Variants in NOS2 observed in about 807,000 individuals in gnomAD.
NOS2 encodes nitric oxide synthase 2.
NOS2 carries 96 observed loss-of-function variants against 136.0 expected under a neutral mutation model. The ratio of observed to expected loss-of-function variants is 0.71; its 90% CI spans 0.60 to 0.84. NOS2 has a LOEUF of 0.84. Among genes scored for constraint, NOS2 ranks in the 40% least tolerant of loss-of-function variants. The pLI is 0.00. For missense variants in NOS2, 1,237 were observed against 1,496.9 expected (o/e 0.83, Z 2.87); for synonymous variants, 539 against 587.5 (o/e 0.92, Z 1.20).
At chr17:27,790,039 C>T (rs996235090) in intron 2 of NOS2, among the ~76,000 whole-genome samples, 1 of 152,222 alleles carries the variant, frequency 6.6e-6, no homozygotes, top group Admixed American at 6.5e-5. Flanking sequence ...ACAACTCTGC[C>T]TCCCAGACTA....
intron 2 of NOS2, among the ~76,000 whole-genome samples, chr17:27,794,335 T>C (rs1477345831): frequency 1.3e-5 from 2 of 152,206 alleles, no homozygotes; most frequent in Admixed American, 6.5e-5. Context: ...GTAGGAATAT[T>C]GCAGGAGGGA....
intron 7 of NOS2, 35 bp downstream of exon 7, chr17:27,781,980 A>G (rs1431329202): frequency 6.3e-7 from 1 of 1,586,414 alleles, no homozygotes; most frequent in South Asian, 1.1e-5. Flanking sequence ...CAGGCAAGGC[A>G]AGCCCCTCTG....
In NOS2 at chr17:27,772,448, C is replaced by G. The variant is rs765525922; in HGVS notation, c.1564G>C (p.Val522Leu). The change falls in exon 14 of 27, where the codon GTG becomes CTG. Residue 522 changes from valine to leucine, a missense_variant. Physicochemically the swap from Val to Leu is conservative, Grantham distance 32. This residue lies in a region of NOS2 where 782 missense variants were observed against 909.9 expected (regional missense o/e 0.86). Coordinates refer to ENST00000313735, the MANE Select transcript of NOS2 (RefSeq NM_000625.4). ...EIPLKVLVKA[V>L]LFACMLMRKT... ...CGCATCAGCATACAGGCAAAGAGCA[C>G]AGCTCTGTGGGGACAGACAGACAGG... 1 of 1,613,962 alleles carries G rather than the reference C, an allele frequency of 6.2e-7. No homozygotes were observed. The highest frequency in any genetic ancestry group is 1.3e-5 in the African/African-American group (1 of 75,044).
chr17:27,765,483 T>C, intron 20 of NOS2, 52 bp downstream of exon 20: 10 of 1,493,504 alleles, frequency 6.7e-6, no homozygotes, highest in South Asian at 1.3e-5. Flanking sequence ...CTCAGCCAGG[T>C]GGGGCGGCCA....
At chr17:27,773,058 C>T (rs1908547182) in intron 13 of NOS2, 103 bp downstream of exon 13, 1 of 927,156 alleles carries the variant, frequency 1.1e-6, no homozygotes, top group Non-Finnish European at 1.8e-6. Context: ...AAAAGCATAA[C>T]CATTCCTTGT....
intron 5 of NOS2, among the ~76,000 whole-genome samples, chr17:27,784,165 C>T (rs867453091): frequency 0.015 from 2,218 of 144,866 alleles, 60 homozygotes; most frequent in African/African-American, 0.051. Context: ...CACACACTAC[C>T]ACCACCACCA....
At chr17:27,768,760 CCA>C (rs949058737) in intron 17 of NOS2, among the ~76,000 whole-genome samples, 11 of 152,316 alleles carry the variant, frequency 7.2e-5, no homozygotes, top group African/African-American at 2.6e-4. Context: ...ACCTTCTCCC[CCA>C]GAGTTGTGTG....
Position 27,769,537 on chromosome 17 carries a change from G to T in NOS2, c.1857C>A (p.Phe619Leu), listed in dbSNP as rs923456201. The stretch of plus-strand genomic sequence containing the variant: ...TAGGACAACGGAAAAAGCTTTACCT[G>T]AATTTGTTGTTGAGCTCTTTCAGCA... Reference protein sequence around the residue: ...LFMLKELNNKFRYAVFGLGSS... With the variant: ...LFMLKELNNKLRYAVFGLGSS... The change falls in exon 16 of 27, where the codon TTC (phenylalanine) becomes TTA (leucine). Residue 619 changes from phenylalanine (F) to leucine (L), a missense_variant and splice_region_variant. Phe to Leu is a conservative substitution (Grantham distance 22, BLOSUM62 0). Transcript: ENST00000313735. The T allele has an allele frequency of 1.2e-6, 2 of 1,613,110 alleles. No individual in the cohort carries two copies. Among genetic ancestry groups the T allele is most frequent in the African/African-American group, 1.3e-5 (1 of 74,882 alleles).
intron 22 of NOS2, among the ~76,000 whole-genome samples, chr17:27,761,982 T>C (rs1355733875): frequency 1.3e-5 from 2 of 152,128 alleles, no homozygotes; most frequent in Non-Finnish European, 2.9e-5. Flanking sequence ...AAACTGTGTT[T>C]TTGCTTCTTG....
intron 13 of NOS2, 21 bp from the exon 14 acceptor site, chr17:27,772,473 G>A: frequency 1.9e-6 from 3 of 1,613,310 alleles, no homozygotes; most frequent in Non-Finnish European, 1.7e-6. Flanking sequence ...AGACAGACAG[G>A]CAGGCGCTGT....
chr17:27,766,609 G>A, intron 18 of NOS2, 21 bp from the exon 19 acceptor site: 1 of 1,605,028 alleles, frequency 6.2e-7, no homozygotes, highest in Non-Finnish European at 8.5e-7. Flanking sequence ...CACAGAGACG[G>A]TGAAATGGCA....
intron 2 of NOS2, among the ~76,000 whole-genome samples, chr17:27,795,570 G>A (rs1371742727): frequency 6.6e-6 from 1 of 152,198 alleles, no homozygotes. Flanking sequence ...ACATGCCCAG[G>A]ACACAAAGGT....
intron 25 of NOS2, 123 bp downstream of exon 25, chr17:27,759,907 G>A: frequency 1.1e-6 from 1 of 922,454 alleles, no homozygotes; most frequent in Non-Finnish European, 1.6e-6. Flanking sequence ...TGATGGTTGT[G>A]AATTACCAGC....
chr17:27,758,825 C>T lies in NOS2; in HGVS notation c.3354+56G>A, dbSNP rs1381111511. 5 of 1,280,256 alleles carry T rather than the reference C, an allele frequency of 3.9e-6. No individual in the cohort carries two copies. In the African/African-American group the frequency reaches 6.2e-5, roughly 16 times the overall value. 79.3% of individuals were successfully genotyped at this position (1,280,256 alleles called of 1,614,324 possible). On this transcript the variant is annotated intron_variant, in intron 26 of 26. Transcript: ENST00000313735. ...GTCTACCTGCCACCCCTGGTCCTGG[C>T]TCCAACGGCCTGTGCCCTTGGCCGG...
chr17:27,760,846 G>A, intron 23 of NOS2, 102 bp from the exon 24 acceptor site: 1 of 1,406,604 alleles, frequency 7.1e-7, no homozygotes, highest in Non-Finnish European at 9.5e-7. Flanking sequence ...GGTCGTGAGG[G>A]GGTGGAGAGG....
chr17:27,769,562 A>G lies in NOS2; in HGVS notation c.1832T>C (p.Met611Thr). The G allele has an allele frequency of 6.2e-7, 1 of 1,613,630 alleles. No individual in the cohort carries two copies. The highest frequency in any genetic ancestry group is 8.5e-7 in the Non-Finnish European group (1 of 1,179,528). The part of the protein sequence containing the change: ...NGEKLKKSLF[M>T]LKELNNKFRY... Reference sequence around the variant, plus strand: ...GAATTTGTTGTTGAGCTCTTTCAGCATGAAGAGCGATTTCTTCAGTTTCTA... The same window carrying G: ...GAATTTGTTGTTGAGCTCTTTCAGCGTGAAGAGCGATTTCTTCAGTTTCTA... Residue 611 changes from methionine (M) to threonine (T), a missense_variant, in exon 16 of 27, where the codon ATG (methionine) becomes ACG (threonine). By Grantham distance (81) the Met-to-Thr change is moderately conservative. Transcript: ENST00000313735.
chr17:27,782,224 A>C, intron 6 of NOS2, 118 bp from the exon 7 acceptor site: 7 of 825,262 alleles, frequency 8.5e-6, no homozygotes, highest in Non-Finnish European at 1.4e-5. Context: ...ACAAACACTC[A>C]ACACCATGCC....
rs1597550566 is a variant in NOS2, at chr17:27,774,440, C to T, written c.1293G>A (p.Val431=). 1.3e-6 allele frequency: 2 copies of T among 1,487,350 alleles called. No individual in the cohort carries two copies. Among genetic ancestry groups the T allele is most frequent in the East Asian group, 2.6e-5 (1 of 38,326 alleles). 92.1% of individuals were successfully genotyped at this position (1,487,350 alleles called of 1,614,324 possible). Reference sequence around the variant, plus strand: ...CAGCCGAGTGGTGGTCCATGATGGTCACATTCTGCTTCTGTATCAGAAGGC... The same window carrying T: ...CAGCCGAGTGGTGGTCCATGATGGTTACATTCTGCTTCTGTATCAGAAGGC... ...AVLHSFQKQN[V]TIMDHHSAAE... is the part of the protein sequence containing the mutation. Residue 431 remains valine, a synonymous_variant, in exon 12 of 27, where the codon GTG becomes GTA. Transcript: ENST00000313735.
intron 5 of NOS2, among the ~76,000 whole-genome samples, chr17:27,786,160 C>T (rs533606172): frequency 3.4e-4 from 52 of 151,796 alleles, no homozygotes; most frequent in African/African-American, 1.2e-3. Flanking sequence ...CGGTGGCTCA[C>T]GCCTGTAATC....
Sources: allele counts gnomAD v4.1 joint callset (sites outside exome capture counted in the v4.1 genomes callset), GRCh38; gene constraint gnomAD v4.1.1; regional missense constraint gnomAD v4.1.1; transcripts MANE v1.5; gene names NCBI Gene and HGNC (gene_info 2026-07-23, HGNC 2026-07-21).